The following PTK2 variants were observed in gnomAD, a reference collection of about 807,000 sequenced individuals.
PTK2 encodes protein tyrosine kinase 2.
A neutral mutation model predicts 150.1 loss-of-function variants in PTK2; 45 were observed. The observed-to-expected ratio is 0.30, with a 90% CI of 0.24 to 0.38. PTK2 has a LOEUF of 0.38. Among genes scored for constraint, PTK2 ranks in the 10% least tolerant of loss-of-function variants. The pLI is 1.00. For missense variants in PTK2, 919 were observed against 1,307.3 expected (o/e 0.70, Z 4.58); for synonymous variants, 432 against 449.2 (o/e 0.96, Z 0.48).
chr8:140,698,001 T>A (rs1407774149), intron 26 of PTK2, among the ~76,000 whole-genome samples: 1 of 151,906 alleles, frequency 6.6e-6, no homozygotes, highest in African/African-American at 2.4e-5. Flanking sequence ...ATATAGCCTT[T>A]TGACTCCATG....
chr8:140,882,612 G>A (rs1335575493), intron 3 of PTK2, among the ~76,000 whole-genome samples: 1 of 152,076 alleles, frequency 6.6e-6, no homozygotes, highest in East Asian at 1.9e-4. Flanking sequence ...TCTTTTCAAG[G>A]TTAAAATAAA....
At chr8:140,860,256 A>G (rs1360701697) in intron 5 of PTK2, among the ~76,000 whole-genome samples, 1 of 152,164 alleles carries the variant, frequency 6.6e-6, no homozygotes, top group Non-Finnish European at 1.5e-5. Context: ...GCTTATAAGC[A>G]CCCTTGTACA....
intron 1 of PTK2, among the ~76,000 whole-genome samples, chr8:140,965,545 T>G (rs1206079584): frequency 6.6e-6 from 1 of 152,158 alleles, no homozygotes; most frequent in African/African-American, 2.4e-5. Context: ...CATTAAAATT[T>G]TGCCTTTTCT....
At chr8:140,965,325 T>C (rs1027918566) in intron 1 of PTK2, among the ~76,000 whole-genome samples, 1 of 152,196 alleles carries the variant, frequency 6.6e-6, no homozygotes, top group Admixed American at 6.5e-5. Context: ...CTTCTTCCCA[T>C]TGCTTAACTT....
intron 2 of PTK2, among the ~76,000 whole-genome samples, chr8:140,923,064 A>C (rs2100168139): frequency 6.6e-6 from 1 of 152,230 alleles, no homozygotes; most frequent in Non-Finnish European, 1.5e-5. Flanking sequence ...TAAAGTGACC[A>C]GTAGATGGGG....
chr8:140,905,472 G>GCTAAC (rs1467489656), intron 2 of PTK2, among the ~76,000 whole-genome samples: 1 of 152,086 alleles, frequency 6.6e-6, no homozygotes, highest in Non-Finnish European at 1.5e-5. Flanking sequence ...AACAAGAAGA[G>GCTAAC]CTAACTATCT....
chr8:140,764,946 CAAG>C (rs1046048308), intron 14 of PTK2: 5 of 152,142 alleles, frequency 3.3e-5, no homozygotes, highest in African/African-American at 1.2e-4. Flanking sequence ...GAGATCACGT[CAAG>C]AAGTTCCAAT....
At chr8:140,845,329 T>C (rs1314948836) in intron 7 of PTK2, among the ~76,000 whole-genome samples, 3 of 152,086 alleles carry the variant, frequency 2.0e-5, no homozygotes, top group East Asian at 3.9e-4. Context: ...CTCATAAGAA[T>C]GGTATTCTAT....
intron 2 of PTK2, among the ~76,000 whole-genome samples, chr8:140,913,901 G>T (rs180751291): frequency 3.0e-4 from 45 of 152,116 alleles, no homozygotes; most frequent in African/African-American, 1.0e-3. Flanking sequence ...CAATAACAAA[G>T]AAATAACCAA....
chr8:140,818,854 A>G (rs1212708455), intron 9 of PTK2, 26 bp downstream of exon 9: 1 of 1,603,346 alleles, frequency 6.2e-7, no homozygotes, highest in East Asian at 2.3e-5. Flanking sequence ...AAACTAGCCC[A>G]CTATTTCCCA....
chr8:140,870,930 G>A (rs1455663537), intron 4 of PTK2, among the ~76,000 whole-genome samples: 1 of 152,108 alleles, frequency 6.6e-6, no homozygotes, highest in Non-Finnish European at 1.5e-5. Flanking sequence ...GGGGACAACT[G>A]GCAGTAACTG....
chr8:140,773,908 G>A (rs1243540174), intron 14 of PTK2, among the ~76,000 whole-genome samples: 2 of 152,086 alleles, frequency 1.3e-5, no homozygotes, highest in Non-Finnish European at 2.9e-5. Flanking sequence ...ATAGGGGTGA[G>A]GAGGGCATGA....
chr8:140,729,914 C>T (rs2100048181), intron 22 of PTK2, among the ~76,000 whole-genome samples: 1 of 152,196 alleles, frequency 6.6e-6, no homozygotes, highest in Admixed American at 6.5e-5. Context: ...GATGAAGATA[C>T]TACCTATACG....
At position 140,800,588 on chromosome 8, in the gene PTK2, A is replaced by C; in HGVS notation, c.976-12T>G. The C allele has an allele frequency of 6.3e-7, 1 of 1,597,802 alleles. No homozygotes were observed. Among genetic ancestry groups the C allele is most frequent in the Non-Finnish European group, 8.6e-7 (1 of 1,165,756 alleles). On this transcript the variant is annotated splice_polypyrimidine_tract_variant and intron_variant, in intron 11 of 31. Transcript: ENST00000522684. Reference sequence around the variant, plus strand: ...GTCACTGTCAGAGGCTAACGGAGAAAAGATCAAGAAAACAGACTTCATTGT... The same window carrying C: ...GTCACTGTCAGAGGCTAACGGAGAACAGATCAAGAAAACAGACTTCATTGT...
intron 1 of PTK2, among the ~76,000 whole-genome samples, chr8:140,963,712 A>G (rs1158499815): frequency 6.6e-6 from 1 of 152,112 alleles, no homozygotes; most frequent in Non-Finnish European, 1.5e-5. Context: ...TTGAAAAGCA[A>G]TTTTCCAACT....
intron 24 of PTK2, among the ~76,000 whole-genome samples, chr8:140,705,364 G>A (rs1035163385): frequency 6.6e-6 from 1 of 152,116 alleles, no homozygotes; most frequent in Non-Finnish European, 1.5e-5. Context: ...AGTAAAAAAA[G>A]ATAAGCCCTA....
intron 22 of PTK2, among the ~76,000 whole-genome samples, chr8:140,727,773 G>T (rs1205190481): frequency 6.6e-6 from 1 of 152,042 alleles, no homozygotes; most frequent in Non-Finnish European, 1.5e-5. Flanking sequence ...GATGTGCTTG[G>T]TATTTTGATA....
upstream of PTK2, chr8:141,001,486 G>A (rs1390400440): frequency 1.3e-5 from 2 of 152,368 alleles, no homozygotes; most frequent in South Asian, 2.1e-4. Flanking sequence ...CCGGGGTTTC[G>A]GGGTGGCCCG....
At chr8:140,728,392 C>G (rs2100047203) in intron 22 of PTK2, among the ~76,000 whole-genome samples, 1 of 152,152 alleles carries the variant, frequency 6.6e-6, no homozygotes, top group Non-Finnish European at 1.5e-5. Context: ...ACTGGTAACT[C>G]TTCTGTACTC....
Sources: gnomAD v4.1 joint callset for allele counts (sites outside exome capture counted in the v4.1 genomes callset) on GRCh38, gnomAD v4.1.1 for gene constraint, MANE v1.5 for transcripts, NCBI Gene and HGNC (gene_info 2026-07-23, HGNC 2026-07-21) for gene names.